RSRC1: variants seen among roughly 807,000 people sequenced by gnomAD.
RSRC1 encodes the protein arginine and serine rich coiled-coil 1, also known as serine/Arginine-related protein 53.
A neutral mutation model predicts 49.1 loss-of-function variants in RSRC1; 39 were observed. The ratio of observed to expected loss-of-function variants is 0.79; its 90% confidence interval spans 0.61 to 1.04. The LOEUF (loss-of-function observed/expected upper bound fraction) is 1.04, where lower values mean the gene tolerates loss of function less well. RSRC1 is among the 50% of genes least tolerant of loss of function. The probability of loss-of-function intolerance (pLI) is 0.00; values close to 1 mark genes in which losing one functional copy is unlikely to be tolerated. For missense variants in RSRC1, 388 were observed against 402.4 expected, an observed-to-expected ratio of 0.96 and a Z score of 0.31; for synonymous variants, 143 against 130.8, an observed-to-expected ratio of 1.09 and a Z score of -0.63.
intron 6 of RSRC1, among the ~76,000 whole-genome samples, chr3:158,373,188 G>A (rs1732172814): frequency 6.6e-6 from 1 of 151,798 alleles, no homozygotes; most frequent in Non-Finnish European, 1.5e-5. Context: ...TATGCAAATA[G>A]AGAAAATTTT....
At chr3:158,485,173 G>A (rs1416330216) in intron 7 of RSRC1, among the ~76,000 whole-genome samples, 1 of 151,896 alleles carries the variant, frequency 6.6e-6, no homozygotes, top group Non-Finnish European at 1.5e-5. Flanking sequence ...AAGATTGTAG[G>A]CTGTTTTATG....
chr3:158,176,387 C>G (rs1411903892), intron 3 of RSRC1, among the ~76,000 whole-genome samples: 1 of 152,164 alleles, frequency 6.6e-6, no homozygotes, highest in African/African-American at 2.4e-5. Context: ...CATCACGCTA[C>G]CTGACTTCAA....
chr3:158,206,193 A>G (rs1721335908), intron 4 of RSRC1, among the ~76,000 whole-genome samples: 1 of 152,224 alleles, frequency 6.6e-6, no homozygotes, highest in Admixed American at 6.5e-5. Flanking sequence ...TATACTTCTC[A>G]CAGGCTAGTC....
chr3:158,516,553 G>T (rs1267846693), intron 7 of RSRC1, among the ~76,000 whole-genome samples: 1 of 152,158 alleles, frequency 6.6e-6, no homozygotes, highest in African/African-American at 2.4e-5. Flanking sequence ...TCTTTTTGTT[G>T]TCTGTGCCCT....
intron 3 of RSRC1, among the ~76,000 whole-genome samples, chr3:158,141,053 C>T (rs1369976655): frequency 6.6e-6 from 1 of 152,044 alleles, no homozygotes; most frequent in African/African-American, 2.4e-5. Flanking sequence ...AAAATCAAAG[C>T]TTTTTATAGG....
chr3:158,354,875 A>G lies in RSRC1; in HGVS notation c.550A>G (p.Lys184Glu), dbSNP rs1731074607. The change falls in exon 6 of 10, where the codon AAA (lysine) becomes GAA (glutamate). Residue 184 changes from lysine (K) to glutamate (E), a missense_variant. Coordinates refer to ENST00000611884, the MANE Select transcript of RSRC1 (RefSeq NM_001271838.2). ...LEHLPPAEQAKARLQLVLEAA... is the reference protein window; with the variant it reads ...LEHLPPAEQAEARLQLVLEAA... ...TTTTTAGCCACCAGCTGAACAGGCC[A>G]AAGCCAGACTACAGCTGGTTCTTGA... 6.4e-7 allele frequency: 1 copy of G among 1,555,046 alleles called. No homozygotes were observed. Among genetic ancestry groups the G allele is most frequent in the Admixed American group, 2.0e-5 (1 of 49,740 alleles).
At chr3:158,350,148 C>T (rs2108230507) in intron 5 of RSRC1, among the ~76,000 whole-genome samples, 1 of 143,168 alleles carries the variant, frequency 7.0e-6, no homozygotes, top group Admixed American at 7.0e-5. Context: ...TGTTTTTTTA[C>T]TTAAACAACA....
At chr3:158,494,700 A>G (rs533992754) in intron 7 of RSRC1, among the ~76,000 whole-genome samples, 9 of 152,226 alleles carry the variant, frequency 5.9e-5, no homozygotes, top group Non-Finnish European at 1.2e-4. Context: ...AGTTTTTTTT[A>G]ACTGTTTTAA....
At chr3:158,411,444 T>C (rs1034693549) in intron 6 of RSRC1, among the ~76,000 whole-genome samples, 5 of 152,168 alleles carry the variant, frequency 3.3e-5, no homozygotes, top group African/African-American at 1.2e-4. Flanking sequence ...TTGCTCTGCC[T>C]TCTCACCAAT....
intron 3 of RSRC1, among the ~76,000 whole-genome samples, chr3:158,200,254 G>T (rs374201015): frequency 5.3e-5 from 8 of 152,158 alleles, no homozygotes; most frequent in South Asian, 2.1e-4. Context: ...TAGCCCGGAT[G>T]GTCTCGATCT....
intron 1 of RSRC1, among the ~76,000 whole-genome samples, chr3:158,112,495 ATGTT>A (rs1714480382): frequency 6.6e-6 from 1 of 152,222 alleles, no homozygotes; most frequent in Non-Finnish European, 1.5e-5. Flanking sequence ...TTGTGAATAA[ATGTT>A]TGAAGTTAAC....
intron 6 of RSRC1, among the ~76,000 whole-genome samples, chr3:158,369,610 TGTGTGA>T (rs1319011644): frequency 6.6e-6 from 1 of 152,114 alleles, no homozygotes; most frequent in Non-Finnish European, 1.5e-5. Context: ...GACCTTCACA[TGTGTGA>T]GTACAGCATC....
chr3:158,268,458 G>A (rs1480785214), intron 4 of RSRC1, among the ~76,000 whole-genome samples: 1 of 151,994 alleles, frequency 6.6e-6, no homozygotes, highest in Admixed American at 6.6e-5. Flanking sequence ...CATTTTTTCT[G>A]TTCTTTTAGC....
At chr3:158,261,273 G>C (rs762297139) in intron 4 of RSRC1, among the ~76,000 whole-genome samples, 2 of 152,148 alleles carry the variant, frequency 1.3e-5, no homozygotes, top group African/African-American at 2.4e-5. Context: ...GCAAAACTGT[G>C]CGTGGTCAGT....
At chr3:158,412,861 C>G (rs995879525) in intron 6 of RSRC1, among the ~76,000 whole-genome samples, 4 of 151,562 alleles carry the variant, frequency 2.6e-5, no homozygotes, top group Non-Finnish European at 4.4e-5. Flanking sequence ...TTTGTTTGCT[C>G]TATATCATGC....
intron 7 of RSRC1, among the ~76,000 whole-genome samples, chr3:158,515,891 C>A (rs1361565105): frequency 6.6e-6 from 1 of 151,778 alleles, no homozygotes; most frequent in East Asian, 1.9e-4. Context: ...TTGATCACAT[C>A]GGCTCCTGAG....
At chr3:158,507,897 A>G (rs1396610596) in intron 7 of RSRC1, among the ~76,000 whole-genome samples, 2 of 151,834 alleles carry the variant, frequency 1.3e-5, no homozygotes, top group Non-Finnish European at 2.9e-5. Flanking sequence ...ACATAGTGAG[A>G]CCCCATTTCA....
intron 4 of RSRC1, among the ~76,000 whole-genome samples, chr3:158,211,065 G>A (rs771862699): frequency 3.9e-5 from 6 of 152,046 alleles, no homozygotes; most frequent in Non-Finnish European, 5.9e-5. Context: ...GAGGATGGGA[G>A]TAGCCTCATG....
chr3:158,115,754 A>C (rs1450889043), intron 1 of RSRC1, among the ~76,000 whole-genome samples: 1 of 152,188 alleles, frequency 6.6e-6, no homozygotes. Context: ...CAATCCACTG[A>C]GATAAATTGT....
Sources: allele counts gnomAD v4.1 joint callset (sites outside exome capture counted in the v4.1 genomes callset), GRCh38; gene constraint gnomAD v4.1.1; transcripts MANE v1.5; gene names NCBI Gene and HGNC (gene_info 2026-07-23, HGNC 2026-07-21).